The following SIPA1L2 variants were observed in gnomAD, a reference collection of about 807,000 sequenced individuals.
SIPA1L2 encodes signal-induced proliferation-associated 1-like protein 2.
In SIPA1L2, 56 loss-of-function variants were observed where a neutral mutation model predicts 163.9. That is an observed-to-expected ratio of 0.34 (90% CI 0.28 to 0.43). SIPA1L2 has a LOEUF of 0.43. SIPA1L2 is among the 20% of genes least tolerant of loss of function. The probability of loss-of-function intolerance (pLI) is 1.00; values close to 1 mark genes in which losing one functional copy is unlikely to be tolerated. For missense variants in SIPA1L2, 1,974 were observed against 2,193.5 expected, an observed-to-expected ratio of 0.90 and a Z score of 2.00; for synonymous variants, 877 against 865.7, an observed-to-expected ratio of 1.01 and a Z score of -0.23.
intron 2 of SIPA1L2, among the ~76,000 whole-genome samples, chr1:232,532,621 C>T (rs1657034331): frequency 6.6e-6 from 1 of 152,170 alleles, no homozygotes; most frequent in South Asian, 2.1e-4. Context: ...AATTTAGCTT[C>T]CAGAATTGTT....
rs147532229 is a variant in SIPA1L2 at position 232,448,340 on chromosome 1, C to A, written c.3096-2554G>T. On this transcript the variant is annotated intron_variant, in intron 10 of 22. Transcript: ENST00000674635. ...TTGGCAAACCAGTCAGCATCCCAAGCCAGTGCCTCTCCCTAGACATTCCAG... is the reference window on the plus strand; with the variant it reads ...TTGGCAAACCAGTCAGCATCCCAAGACAGTGCCTCTCCCTAGACATTCCAG... Among the ~76,000 whole-genome samples, 1,504 of 152,278 alleles carry A rather than the reference C, an allele frequency of 9.9e-3. 32 individuals carry two copies. Among genetic ancestry groups the A allele is most frequent in the African/African-American group, 0.034 (1,406 of 41,534 alleles).
intron 2 of SIPA1L2, among the ~76,000 whole-genome samples, chr1:232,543,104 C>T (rs753223978): frequency 3.3e-5 from 5 of 152,194 alleles, no homozygotes; most frequent in Non-Finnish European, 7.3e-5. Context: ...TCTAACACAA[C>T]CAGTCACTGT....
intron 2 of SIPA1L2, among the ~76,000 whole-genome samples, chr1:232,557,651 T>C (rs1405620407): frequency 2.0e-5 from 3 of 152,226 alleles, no homozygotes; most frequent in Non-Finnish European, 4.4e-5. Context: ...GCCACAGCTC[T>C]TGCCCTATTC....
chr1:232,567,931 C>A lies in SIPA1L2; in HGVS notation c.-270+6243G>T, dbSNP rs943790748. On this transcript the variant is annotated intron_variant, in intron 2 of 22. Transcript: ENST00000674635. ...AATCAATAATGCCTATGTAATGAAGCTTCTCTAACAGTCCGAAACGCCAGG... is the reference window on the plus strand; with the variant it reads ...AATCAATAATGCCTATGTAATGAAGATTCTCTAACAGTCCGAAACGCCAGG... Among the ~76,000 whole-genome samples the A allele has an allele frequency of 9.2e-5, 14 of 152,318 alleles. No homozygotes were observed. The Middle Eastern group carries it at 0.02, about 222-fold the overall frequency.
chr1:232,624,369 C>T (rs1662968050), intron 1 of SIPA1L2, among the ~76,000 whole-genome samples: 1 of 152,182 alleles, frequency 6.6e-6, no homozygotes, highest in Non-Finnish European at 1.5e-5. Flanking sequence ...TATTCCTGAA[C>T]AATGTGAATA....
chr1:232,510,055 C>T (rs983370521), intron 3 of SIPA1L2, among the ~76,000 whole-genome samples: 61 of 152,092 alleles, frequency 4.0e-4, no homozygotes, highest in African/African-American at 1.9e-4. Context: ...AGTCATGTAC[C>T]GCATAGGGAT....
At chr1:232,470,970 C>T (rs1406857288) in intron 8 of SIPA1L2, among the ~76,000 whole-genome samples, 2 of 152,098 alleles carry the variant, frequency 1.3e-5, no homozygotes, top group Admixed American at 6.5e-5. Context: ...TTGAAGTCAC[C>T]CAACAAGTGT....
intron 4 of SIPA1L2, among the ~76,000 whole-genome samples, chr1:232,492,496 TCACCATG>T (rs1665983026): frequency 6.6e-6 from 1 of 152,158 alleles, no homozygotes. Context: ...TAGGCATGTG[TCACCATG>T]CCCAGCTTCA....
rs145579623 is a variant in SIPA1L2 at position 232,485,934 on chromosome 1, G to A, written c.1807-1968C>T. 5.6e-3 allele frequency among the ~76,000 whole-genome samples: 854 copies of A among 152,234 alleles called. 1 individual carries two copies. Among genetic ancestry groups the A allele is most frequent in the Middle Eastern group, 0.017 (5 of 294 alleles). On this transcript the variant is annotated intron_variant, in intron 5 of 22. Transcript: ENST00000674635. ...TTGCTGCACCATCATCCTCATCCTC[G>A]GAGGTCACTCTGCTCTGGTGGCTGC...
chr1:232,541,242 TAACATTAACATAACATAACATAACA>T (rs1481999014), intron 2 of SIPA1L2, among the ~76,000 whole-genome samples: 2 of 141,900 alleles, frequency 1.4e-5, no homozygotes, highest in African/African-American at 5.4e-5. Context: ...TCACATAACA[TAACATTAACATAACATAACATAACA>T]TAACATAACA....
At chr1:232,486,329 C>T (rs965597915) in intron 5 of SIPA1L2, among the ~76,000 whole-genome samples, 8 of 152,206 alleles carry the variant, frequency 5.3e-5, no homozygotes, top group African/African-American at 1.9e-4. Flanking sequence ...CATGAGACCT[C>T]ATTGCTGACT....
intron 15 of SIPA1L2, among the ~76,000 whole-genome samples, chr1:232,437,833 G>A (rs941005155): frequency 5.9e-5 from 9 of 152,286 alleles, no homozygotes; most frequent in Non-Finnish European, 1.2e-4. Flanking sequence ...GGGGACAGAC[G>A]AGCGTGACTG....
intron 2 of SIPA1L2, among the ~76,000 whole-genome samples, chr1:232,545,548 T>C (rs1474183418): frequency 6.6e-6 from 1 of 152,242 alleles, no homozygotes; most frequent in Non-Finnish European, 1.5e-5. Context: ...GTTTTGTCTA[T>C]TTCTTCTAAC....
At chr1:232,441,005 T>C (rs1400659609) in intron 14 of SIPA1L2, among the ~76,000 whole-genome samples, 1 of 152,236 alleles carries the variant, frequency 6.6e-6, no homozygotes, top group Non-Finnish European at 1.5e-5. Context: ...AATGGATAAG[T>C]GGTTAACAGA....
At chr1:232,479,828 A>C in intron 6 of SIPA1L2, 98 bp from the exon 7 acceptor site, 1 of 1,010,514 alleles carries the variant, frequency 9.9e-7, no homozygotes. Context: ...AAAACAAAAA[A>C]CACCAAGCTC....
intron 8 of SIPA1L2, among the ~76,000 whole-genome samples, chr1:232,468,283 T>A (rs1192480219): frequency 1.3e-5 from 2 of 152,216 alleles, no homozygotes; most frequent in African/African-American, 4.8e-5. Context: ...GGGCCTTAGA[T>A]ATTTAAGGCC....
intron 2 of SIPA1L2, among the ~76,000 whole-genome samples, chr1:232,538,828 G>C (rs190382173): frequency 2.0e-5 from 3 of 152,280 alleles, no homozygotes; most frequent in Admixed American, 2.0e-4. Flanking sequence ...GACAGTGGGT[G>C]GGTGAGCTGA....
chr1:232,443,812 C>T lies in SIPA1L2; in HGVS notation c.3354-127G>A, dbSNP rs929317580. 6 of 659,492 alleles carry T rather than the reference C, an allele frequency of 9.1e-6. No homozygotes were observed. The African/African-American group carries it at 1.1e-4, about 12-fold the overall frequency. 40.9% of individuals were successfully genotyped at this position (659,492 alleles called of 1,614,324 possible). A position where few individuals can be genotyped will look rare whatever the true frequency, so the allele number is the denominator to read the frequency against. On this transcript the variant is annotated intron_variant, in intron 11 of 22. Transcript: ENST00000674635. ...AAAGAAAAGGAAGAAAAACATATTG[C>T]CATGTGAAACAGAATAAATCATGGA... is the stretch of plus-strand genomic sequence containing the variant.
At chr1:232,589,568 A>T (rs1660860624) in intron 1 of SIPA1L2, among the ~76,000 whole-genome samples, 1 of 152,224 alleles carries the variant, frequency 6.6e-6, no homozygotes, top group Non-Finnish European at 1.5e-5. Context: ...AATCAAAATA[A>T]TTGGTAACCT....
Sources: allele counts gnomAD v4.1 joint callset (sites outside exome capture counted in the v4.1 genomes callset), GRCh38; gene constraint gnomAD v4.1.1; transcripts MANE v1.5; gene names NCBI Gene and HGNC (gene_info 2026-07-23, HGNC 2026-07-21).